The following ADGRV1 variants were observed in gnomAD, a reference collection of about 807,000 sequenced individuals.
The protein encoded by ADGRV1 is adhesion G protein-coupled receptor V1, also known as G-protein coupled receptor 98.
A neutral mutation model predicts 596.2 loss-of-function variants in ADGRV1; 359 were observed. The ratio of observed to expected loss-of-function variants is 0.60; its 90% CI spans 0.55 to 0.66. The LOEUF (loss-of-function observed/expected upper bound fraction) is 0.66. ADGRV1 is among the 30% of genes least tolerant of loss of function. The pLI is 0.00. For synonymous variants in ADGRV1, 2,681 were observed against 2,679.2 expected, an observed-to-expected ratio of 1.00 and a Z score of -0.02; for missense variants, 7,274 against 7,575.6, an observed-to-expected ratio of 0.96 and a Z score of 1.48.
At chr5:90,575,781 C>T (rs914932354) in intron 1 of ADGRV1, among the ~76,000 whole-genome samples, 1 of 152,072 alleles carries the variant, frequency 6.6e-6, no homozygotes, top group Admixed American at 6.6e-5. Context: ...TACATGGGGG[C>T]GGGTCATCCT....
At chr5:91,136,321 C>G (rs1794636216) in intron 87 of ADGRV1, among the ~76,000 whole-genome samples, 1 of 152,010 alleles carries the variant, frequency 6.6e-6, no homozygotes, top group African/African-American at 2.4e-5. Flanking sequence ...GGAAGGTGGT[C>G]AAGAATTGTA....
In ADGRV1 at chr5:90,627,765, T is replaced by C. The variant is rs748153180; in HGVS notation, c.1227T>C (p.Asp409=). 57 of 1,510,908 alleles carry C rather than the reference T, an allele frequency of 3.8e-5. No homozygotes were observed. The highest frequency in any genetic ancestry group is 5.1e-5 in the Non-Finnish European group (57 of 1,120,552). 93.6% of individuals were successfully genotyped at this position (1,510,908 alleles called of 1,614,324 possible). Residue 409 remains aspartate, a synonymous_variant, in exon 7 of 90, where the codon GAT becomes GAC. Transcript: ENST00000405460. ...LFERTVIIDE[D]RISRYEEITV... is the part of the protein sequence containing the mutation. Reference sequence around the variant, plus strand: ...AAAGGACAGTTATAATTGATGAAGATAGAATATCAAGGTATGATTTATTTT... The same window carrying C: ...AAAGGACAGTTATAATTGATGAAGACAGAATATCAAGGTATGATTTATTTT...
chr5:90,620,788 A>T (rs1205151107), intron 4 of ADGRV1, among the ~76,000 whole-genome samples: 1 of 152,188 alleles, frequency 6.6e-6, no homozygotes, highest in Non-Finnish European at 1.5e-5. Context: ...GGTGTAAGGA[A>T]GGGATCCAGT....
chr5:90,989,597 A>G (rs1180580930), intron 85 of ADGRV1, among the ~76,000 whole-genome samples: 2 of 152,074 alleles, frequency 1.3e-5, no homozygotes, highest in Non-Finnish European at 2.9e-5. Context: ...TCTTCATTTT[A>G]TAATCTATCC....
intron 1 of ADGRV1, among the ~76,000 whole-genome samples, chr5:90,591,196 A>G (rs959579266): frequency 2.0e-5 from 3 of 152,280 alleles, no homozygotes; most frequent in Admixed American, 6.5e-5. Context: ...GTTCGAGACT[A>G]GCCTGAGCAA....
intron 70 of ADGRV1, among the ~76,000 whole-genome samples, chr5:90,797,145 C>A (rs1406807009): frequency 6.6e-6 from 1 of 151,892 alleles, no homozygotes; most frequent in African/African-American, 2.4e-5. Flanking sequence ...TGTAAATGGG[C>A]TAAATGTCCC....
chr5:91,133,357 C>G (rs75113500), intron 87 of ADGRV1, among the ~76,000 whole-genome samples: 2,973 of 152,252 alleles, frequency 0.02, 103 homozygotes, highest in African/African-American at 0.068. Context: ...GACTCAGTAT[C>G]TATAGATGAT....
chr5:90,924,881 A>G (rs887930149), intron 83 of ADGRV1, among the ~76,000 whole-genome samples: 6 of 151,892 alleles, frequency 4.0e-5, no homozygotes, highest in African/African-American at 1.5e-4. Context: ...ACCATTTATT[A>G]AATAGGGAAT....
At chr5:90,866,764 G>A (rs1036712253) in intron 83 of ADGRV1, among the ~76,000 whole-genome samples, 32 of 151,988 alleles carry the variant, frequency 2.1e-4, no homozygotes, top group African/African-American at 6.0e-4. Context: ...CATAAAATTA[G>A]CTTCATCATT....
chr5:91,092,709 A>G (rs1790491128), intron 86 of ADGRV1: 1 of 152,232 alleles, frequency 6.6e-6, no homozygotes. Flanking sequence ...GGGCAGAGTA[A>G]GAAAAATAAA....
At chr5:90,940,553 C>T (rs1325602524) in intron 83 of ADGRV1, among the ~76,000 whole-genome samples, 1 of 152,014 alleles carries the variant, frequency 6.6e-6, no homozygotes, top group Non-Finnish European at 1.5e-5. Flanking sequence ...TGTTTTGTAC[C>T]AGGTATTTTT....
chr5:90,658,826 A>G (rs932174791), intron 21 of ADGRV1, among the ~76,000 whole-genome samples: 1 of 152,120 alleles, frequency 6.6e-6, no homozygotes. Context: ...CCATGTTTTC[A>G]AAGATTCGTA....
chr5:90,717,103 CCA>C (rs1580847931), intron 43 of ADGRV1: 1 of 154,710 alleles, frequency 6.5e-6, no homozygotes, highest in Admixed American at 6.4e-5. Flanking sequence ...TTCCCTTTCA[CCA>C]CATTTTTGTT....
Position 91,105,203 on chromosome 5 carries a change from G to A in ADGRV1, c.18432+2863G>A, listed in dbSNP as rs148781393. Among the ~76,000 whole-genome samples the A allele has an allele frequency of 5.1e-3, 777 of 152,218 alleles. 3 individuals carry two copies. Among genetic ancestry groups the A allele is most frequent in the Middle Eastern group, 0.017 (5 of 294 alleles). ...TTTTATGGCTGAATAGTATTCCATT[G>A]TGTGAATTTACCATTTTCCCTGTCC... On this transcript the variant is annotated intron_variant, in intron 87 of 89. Coordinates refer to ENST00000405460, the MANE Select transcript of ADGRV1 (RefSeq NM_032119.4).
rs1344685892 is a variant in ADGRV1, at chr5:91,072,593, C to G, written c.18299C>G (p.Thr6100Arg). 2 of 1,613,478 alleles carry G rather than the reference C, an allele frequency of 1.2e-6. No individual in the cohort carries two copies. The highest frequency in any genetic ancestry group is 1.3e-5 in the African/African-American group (1 of 74,904). ...TATGATGATGTCTTCAGAGGAAGGA[C>G]AAATGCTGCAGGTTTGAAAGGAACT... The part of the protein sequence containing the change: ...KAYDDVFRGR[T>R]NAAEIPLILY... Residue 6100 changes from threonine to arginine, a missense_variant, in exon 86 of 90, where the codon ACA becomes AGA. Coordinates refer to ENST00000405460, the MANE Select transcript of ADGRV1 (RefSeq NM_032119.4).
chr5:90,595,974 A>T (rs1446506017), intron 1 of ADGRV1, among the ~76,000 whole-genome samples: 2 of 127,684 alleles, frequency 1.6e-5, no homozygotes, highest in African/African-American at 6.1e-5. Context: ...CCGGGCGGAG[A>T]GGCTCCTCAC....
At position 90,902,613 on chromosome 5, in the gene ADGRV1, G is replaced by A. The variant is rs896548525; in HGVS notation, c.17856+38756G>A. 2.6e-5 allele frequency among the ~76,000 whole-genome samples: 4 copies of A among 152,214 alleles called. No homozygotes were observed. The South Asian group carries it at 6.2e-4, about 24-fold the overall frequency. ...TGTTAGCACCTAGAGGGCAATTGTT[G>A]TCTTACTTGTGCAATTAGGTTCTAA... On this transcript the variant is annotated intron_variant, in intron 83 of 89. Transcript: ENST00000405460.
At chr5:90,889,106 C>T (rs1770563775) in intron 83 of ADGRV1, among the ~76,000 whole-genome samples, 1 of 152,086 alleles carries the variant, frequency 6.6e-6, no homozygotes. Flanking sequence ...TTACCACACC[C>T]AAACAAGCAT....
At chr5:90,962,220 G>A (rs980101604) in intron 83 of ADGRV1, among the ~76,000 whole-genome samples, 6 of 152,166 alleles carry the variant, frequency 3.9e-5, no homozygotes, top group African/African-American at 1.4e-4. Context: ...ACAAAAGAAC[G>A]AGGGAAAACA....
Sources: gnomAD v4.1 joint callset for allele counts (sites outside exome capture counted in the v4.1 genomes callset) on GRCh38, gnomAD v4.1.1 for gene constraint, MANE v1.5 for transcripts, NCBI Gene and HGNC (gene_info 2026-07-23, HGNC 2026-07-21) for gene names.